The following EMG1 variants were observed in gnomAD, a reference collection of about 807,000 sequenced individuals.
EMG1 encodes the protein ribosomal RNA small subunit methyltransferase NEP1.
Under a neutral mutation model 26.9 loss-of-function variants are expected in EMG1, and 24 were observed. The ratio of observed to expected loss-of-function variants is 0.89; its 90% confidence interval spans 0.65 to 1.26. The LOEUF is 1.26. EMG1 is among the 50% of genes most tolerant of loss of function. EMG1 has a pLI of 0.00. For missense variants in EMG1, 299 were observed against 307.6 expected (o/e 0.97, Z 0.21); for synonymous variants, 140 against 112.6 (o/e 1.24, Z -1.54).
At chr12:6,990,226 T>C (rs995014023), downstream of EMG1, among the ~76,000 whole-genome samples, 1 of 148,828 alleles carries the variant, frequency 6.7e-6, no homozygotes, top group Non-Finnish European at 1.5e-5. Flanking sequence ...AAAAAAAATA[T>C]AAGCGGGGCA....
In EMG1 at chr12:6,996,002, A is replaced by G. The variant is rs151278566; in HGVS notation, c.*212-1223A>G. Among the ~76,000 whole-genome samples the G allele has an allele frequency of 1.5e-3, 235 of 152,196 alleles. 2 individuals carry two copies. The highest frequency in any genetic ancestry group is 5.5e-3 in the African/African-American group (228 of 41,520). ...CTTAATGAAGCATCTAGAGGGTTCTATTCAACTTAAGTCAGCAGGTCACTC... is the reference window on the plus strand; with the variant it reads ...CTTAATGAAGCATCTAGAGGGTTCTGTTCAACTTAAGTCAGCAGGTCACTC... On this transcript the variant is annotated intron_variant and NMD_transcript_variant, in intron 7 of 7. Coordinates refer to the EMG1 transcript ENST00000607161.
At position 6,977,552 on chromosome 12, in the gene EMG1, C is replaced by T; in HGVS notation, c.*1743C>T. 1 of 1,614,122 alleles carries T rather than the reference C, an allele frequency of 6.2e-7. No individual in the cohort carries two copies. The highest frequency in any genetic ancestry group is 8.5e-7 in the Non-Finnish European group (1 of 1,180,002). On this transcript the variant is annotated 3_prime_UTR_variant, in exon 6 of 6. Transcript: ENST00000599672. The surrounding 1 kb of genome is among the most constrained non-coding windows in gnomAD (Gnocchi z 4.5). Reference sequence around the variant, plus strand: ...TGGGGAGGGAGGAGGAGCTCATCAGCATCTTGTCCCTTATATTCCCCTTCA... The same window carrying T: ...TGGGGAGGGAGGAGGAGCTCATCAGTATCTTGTCCCTTATATTCCCCTTCA...
downstream of EMG1, chr12:6,981,371 G>T: frequency 1.5e-6 from 1 of 671,554 alleles, no homozygotes; most frequent in Non-Finnish European, 2.5e-6. Flanking sequence ...TGCTGCTTTA[G>T]CAAATGCCTT....
chr12:6,991,051 T>C (rs1319147985), downstream of EMG1, among the ~76,000 whole-genome samples: 3 of 151,964 alleles, frequency 2.0e-5, no homozygotes, highest in Non-Finnish European at 4.4e-5. Flanking sequence ...TAAACCACTA[T>C]ATTTCCCAAA....
Position 6,979,664 on chromosome 12 carries a change from G to T in EMG1, c.*3855G>T. The T allele has an allele frequency of 1.1e-6, 1 of 904,676 alleles. No individual in the cohort carries two copies. The highest frequency in any genetic ancestry group is 1.8e-6 in the Non-Finnish European group (1 of 553,654). 56.0% of individuals were successfully genotyped at this position (904,676 alleles called of 1,614,324 possible). A position where few individuals can be genotyped will look rare whatever the true frequency, so the allele number is the denominator to read the frequency against. On this transcript the variant is annotated 3_prime_UTR_variant, in exon 6 of 6. Coordinates refer to ENST00000599672, the MANE Select transcript of EMG1 (RefSeq NM_006331.8). ...CTGACCTTCAGTTATGGAGAGGAGT[G>T]TTTAGGGGTGTGGTTGTCTACCTGG...
At chr12:6,980,934 GCT>G (rs141731841), downstream of EMG1, 84,699 of 1,442,782 alleles carry the variant, frequency 0.059, 2,811 homozygotes, top group African/African-American at 0.093. Context: ...GGAGAATGCA[GCT>G]TTCAGAAGAG....
intron 7 of EMG1, among the ~76,000 whole-genome samples, chr12:6,994,467 C>T (rs1946619010): frequency 6.6e-6 from 1 of 152,084 alleles, no homozygotes. Context: ...CTTGGCGTCC[C>T]AAAGTGCTGG....
chr12:6,981,573 C>T (rs1555154070), downstream of EMG1: 1 of 1,613,196 alleles, frequency 6.2e-7, no homozygotes, highest in Non-Finnish European at 8.5e-7. Context: ...TTGAACCTCT[C>T]TGCCGATGAA....
At chr12:6,971,747 T>TA (rs1384086549) in intron 1 of EMG1, among the ~76,000 whole-genome samples, 3 of 152,226 alleles carry the variant, frequency 2.0e-5, no homozygotes, top group African/African-American at 7.2e-5. Flanking sequence ...GAAACGTAGT[T>TA]ATGTAGCCTA....
chr12:6,986,580 C>T (rs902524326), intron 6 of EMG1, among the ~76,000 whole-genome samples: 1,647 of 151,842 alleles, frequency 0.011, 17 homozygotes, highest in African/African-American at 0.036. Flanking sequence ...GTCAGGAAAT[C>T]GAGACCATCC....
chr12:6,986,866 T>C (rs1946532174), intron 6 of EMG1, among the ~76,000 whole-genome samples: 1 of 146,462 alleles, frequency 6.8e-6, no homozygotes, highest in African/African-American at 2.5e-5. Context: ...TGTAATCCCC[T>C]ACTTTGGGAG....
At chr12:6,972,273 CTG>C (rs782534109) in intron 1 of EMG1, among the ~76,000 whole-genome samples, 2 of 152,082 alleles carry the variant, frequency 1.3e-5, no homozygotes, top group Non-Finnish European at 2.9e-5. Context: ...TGGGTTGAAA[CTG>C]TATTATTCAT....
At chr12:6,990,252 G>A (rs1555155304), downstream of EMG1, among the ~76,000 whole-genome samples, 1 of 151,668 alleles carries the variant, frequency 6.6e-6, no homozygotes, top group African/African-American at 2.4e-5. Context: ...GCTCATGCCT[G>A]TAATCCCAGC....
chr12:6,983,311 T>C, downstream of EMG1: 5 of 684,838 alleles, frequency 7.3e-6, no homozygotes, highest in Middle Eastern at 2.8e-4. Context: ...TACAACCCTC[T>C]TTGCAAGTGG....
intron 6 of EMG1, among the ~76,000 whole-genome samples, chr12:6,986,665 C>A (rs1200915673): frequency 6.6e-6 from 1 of 151,876 alleles, no homozygotes; most frequent in Non-Finnish European, 1.5e-5. Context: ...CACCTGTAGT[C>A]CCAGCTACTC....
intron 3 of EMG1, 32 bp from the exon 4 acceptor site, chr12:6,975,058 T>TC (rs782075398): frequency 6.2e-7 from 1 of 1,610,876 alleles, no homozygotes; most frequent in Non-Finnish European, 8.5e-7. Flanking sequence ...GTGGTCTCCA[T>TC]CTAGCTCTGA....
rs1565595934 is a variant in EMG1 at position 6,977,350 on chromosome 12, A to G, written c.*1541A>G. 3 of 1,614,102 alleles carry G rather than the reference A, an allele frequency of 1.9e-6. No individual in the cohort carries two copies. Among genetic ancestry groups the G allele is most frequent in the Non-Finnish European group, 2.5e-6 (3 of 1,179,944 alleles). ...GCAGTGAGTCCCTCCCAGTCTCACAAGCAGGCCTTCACTTGCCTTAAGCCA... is the reference window on the plus strand; with the variant it reads ...GCAGTGAGTCCCTCCCAGTCTCACAGGCAGGCCTTCACTTGCCTTAAGCCA... On this transcript the variant is annotated 3_prime_UTR_variant, in exon 6 of 6. Coordinates refer to ENST00000599672, the MANE Select transcript of EMG1 (RefSeq NM_006331.8). The surrounding 1 kb of genome is among the most constrained non-coding windows in gnomAD (Gnocchi z 4.5).
chr12:6,970,966 G>A lies in EMG1; in HGVS notation c.43G>A (p.Gly15Ser). ...TGGATTCAAGCCTCGTGAACGAAGC[G>A]GTGGGGAGCAGGCACAGGACTGGGA... ...SDGFKPRERSGGEQAQDWDAL... is the reference protein window; with the variant it reads ...SDGFKPRERSSGEQAQDWDAL... The change falls in exon 1 of 6, where the codon GGT becomes AGT. Residue 15 changes from glycine to serine, a missense_variant. Coordinates refer to ENST00000599672, the MANE Select transcript of EMG1 (RefSeq NM_006331.8). 4 of 1,613,020 alleles carry A rather than the reference G, an allele frequency of 2.5e-6. No homozygotes were observed. Among genetic ancestry groups the A allele is most frequent in the Non-Finnish European group, 3.4e-6 (4 of 1,179,448 alleles).
In EMG1 at chr12:6,978,112, T is replaced by C. The variant is rs1946429736; in HGVS notation, c.*2303T>C. ...CATAAGTCCATTGGCAGAGCTGGAG[T>C]AACACCCAGGTCTTAACGCACTTTT... On this transcript the variant is annotated 3_prime_UTR_variant, in exon 6 of 6. Coordinates refer to ENST00000599672, the MANE Select transcript of EMG1 (RefSeq NM_006331.8). 2 of 578,480 alleles carry C rather than the reference T, an allele frequency of 3.5e-6. No individual in the cohort carries two copies. Among genetic ancestry groups the C allele is most frequent in the African/African-American group, 1.9e-5 (1 of 53,056 alleles). 35.8% of individuals were successfully genotyped at this position (578,480 alleles called of 1,614,324 possible).
Sources: gnomAD v4.1 joint callset for allele counts (sites outside exome capture counted in the v4.1 genomes callset) on GRCh38, gnomAD v4.1.1 for gene constraint, Gnocchi (gnomAD v3.1) non-coding constraint, MANE v1.5 for transcripts, NCBI Gene and HGNC (gene_info 2026-07-23, HGNC 2026-07-21) for gene names.